Variants in UBXN2A observed in about 807,000 individuals in gnomAD.
The protein encoded by UBXN2A is UBX domain-containing protein 2A.
A neutral mutation model predicts 28.4 loss-of-function variants in UBXN2A; 28 were observed. The ratio of observed to expected loss-of-function variants is 0.99; its 90% confidence interval spans 0.73 to 1.35. The LOEUF is 1.35. Ranked by LOEUF, UBXN2A falls within the 40% of genes most tolerant of loss-of-function variation. UBXN2A has a pLI of 0.00. For synonymous variants in UBXN2A, 97 were observed against 103.6 expected (o/e 0.94, Z 0.39); for missense variants, 253 against 297.9 (o/e 0.85, Z 1.11).
At position 23,950,797 on chromosome 2, in the gene UBXN2A, G is replaced by A. The variant is rs191991444; in HGVS notation, c.-14-7504G>A. Among the ~76,000 whole-genome samples, 37 of 152,060 alleles carry A rather than the reference G, an allele frequency of 2.4e-4. No individual in the cohort carries two copies. The East Asian group carries it at 5.0e-3, about 21-fold the overall frequency. On this transcript the variant is annotated intron_variant, in intron 1 of 6. Coordinates refer to ENST00000309033, the MANE Select transcript of UBXN2A (RefSeq NM_181713.4). The stretch of plus-strand genomic sequence containing the variant: ...TGGCTCACTGCAACCTCCACCCGCC[G>A]GGTTCAAGCGATTCTCCTGCCTCAG...
At chr2:23,976,427 G>A (rs1223340629) in intron 3 of UBXN2A, among the ~76,000 whole-genome samples, 1 of 152,136 alleles carries the variant, frequency 6.6e-6, no homozygotes, top group Admixed American at 6.6e-5. Context: ...GCCAGTTGTA[G>A]TAGTCCATTT....
At chr2:23,966,327 G>A (rs1456733733) in intron 2 of UBXN2A, among the ~76,000 whole-genome samples, 2 of 151,774 alleles carry the variant, frequency 1.3e-5, no homozygotes, top group African/African-American at 4.8e-5. Flanking sequence ...TAGTAGAGAC[G>A]GGGTTTCACC....
At chr2:23,998,836 G>A (rs539725808) in intron 6 of UBXN2A, among the ~76,000 whole-genome samples, 28 of 152,032 alleles carry the variant, frequency 1.8e-4, no homozygotes, top group African/African-American at 5.5e-4. Context: ...ATCAACCTTC[G>A]TCTCCCTCCT....
intron 1 of UBXN2A, among the ~76,000 whole-genome samples, chr2:23,946,562 C>T (rs1267077626): frequency 6.6e-6 from 1 of 151,448 alleles, no homozygotes; most frequent in Non-Finnish European, 1.5e-5. Flanking sequence ...ACCTCGTGAT[C>T]CACCCGCCTC....
At position 23,977,032 on chromosome 2, in the gene UBXN2A, T is replaced by G; in HGVS notation, c.244T>G (p.Ser82Ala). 6.2e-7 allele frequency: 1 copy of G among 1,612,712 alleles called. No homozygotes were observed. Among genetic ancestry groups the G allele is most frequent in the Non-Finnish European group, 8.5e-7 (1 of 1,178,982 alleles). ...FTVNDDFRSY[S>A]DGASQQFLNS... ...CGTCAACGACGATTTCAGAAGTTAT[T>G]CCGATGGTGCCAGTCAGCAGTTTTT... The change falls in exon 4 of 7, where the codon TCC becomes GCC. Residue 82 changes from serine to alanine, a missense_variant. Ser to Ala is a moderately conservative substitution (Grantham distance 99). Coordinates refer to ENST00000309033, the MANE Select transcript of UBXN2A (RefSeq NM_181713.4).
intron 4 of UBXN2A, among the ~76,000 whole-genome samples, chr2:23,979,150 C>T (rs371620203): frequency 1.3e-5 from 2 of 151,968 alleles, no homozygotes; most frequent in African/African-American, 4.8e-5. Flanking sequence ...CAAGACCATC[C>T]TGGCCAACAT....
rs1708746085 is a variant in UBXN2A at position 24,002,771 on chromosome 2, ATTAC to A, written c.*2907_*2910del. ...AAAAGTGGCCGGTTTTTTGGGGGGA[ATTAC>A]TTTCTGTCATAAAGAAGATAGATGG... On this transcript the variant is annotated 3_prime_UTR_variant, in exon 7 of 7. Transcript: ENST00000309033. The A allele has an allele frequency of 6.6e-6, 1 of 152,162 alleles. No individual in the cohort carries two copies. The highest frequency in any genetic ancestry group is 2.4e-5 in the African/African-American group (1 of 41,438). The allele number at this position is 152,162 out of a possible 1,614,324, so 9.4% of individuals were successfully genotyped here.
At chr2:23,964,125 A>C (rs1707058223) in intron 2 of UBXN2A, among the ~76,000 whole-genome samples, 2 of 133,206 alleles carry the variant, frequency 1.5e-5, no homozygotes, top group South Asian at 5.1e-4. Flanking sequence ...ACAGAGCCAG[A>C]TCCTGTCTCA....
At chr2:23,969,659 C>A (rs1707330375) in intron 2 of UBXN2A, among the ~76,000 whole-genome samples, 1 of 152,134 alleles carries the variant, frequency 6.6e-6, no homozygotes, top group African/African-American at 2.4e-5. Flanking sequence ...CTGTTCCCAG[C>A]CTCTCCAAAA....
At chr2:23,952,633 A>T (rs1335488223) in intron 1 of UBXN2A, among the ~76,000 whole-genome samples, 1 of 149,898 alleles carries the variant, frequency 6.7e-6, no homozygotes. Context: ...TTTAGTAGAG[A>T]CGGGTTTCAC....
chr2:23,952,888 A>G (rs1001437941), intron 1 of UBXN2A, among the ~76,000 whole-genome samples: 5 of 151,654 alleles, frequency 3.3e-5, no homozygotes, highest in South Asian at 2.1e-4. Context: ...CTGTTTATTT[A>G]ATTTTAAAAT....
In UBXN2A at chr2:24,004,284, G is replaced by A. The variant is rs1708763284; in HGVS notation, c.*4417G>A. ...CTTGAAAATAATCACCTTAGATGGG[G>A]CATACAATTTGACCTAAGCAATTGT... On this transcript the variant is annotated 3_prime_UTR_variant, in exon 7 of 7. Transcript: ENST00000309033. The A allele has an allele frequency of 6.6e-6, 1 of 152,126 alleles. No individual in the cohort carries two copies. The highest frequency in any genetic ancestry group is 2.1e-4 in the South Asian group (1 of 4,828). 9.4% of individuals were successfully genotyped at this position (152,126 alleles called of 1,614,324 possible).
intron 1 of UBXN2A, among the ~76,000 whole-genome samples, chr2:23,955,152 C>T (rs979612115): frequency 2.6e-5 from 4 of 152,006 alleles, no homozygotes; most frequent in African/African-American, 9.7e-5. Context: ...AGAATGGTCT[C>T]GATCTCCTGA....
In UBXN2A at chr2:24,001,953, C is replaced by G. The variant is rs1273984244; in HGVS notation, c.*2086C>G. Reference sequence around the variant, plus strand: ...TCCAGCCTGGTGACGGAGCGAGACTCTTTCTCAAAAAAAAAAAATTATTCA... The same window carrying G: ...TCCAGCCTGGTGACGGAGCGAGACTGTTTCTCAAAAAAAAAAAATTATTCA... On this transcript the variant is annotated 3_prime_UTR_variant, in exon 7 of 7. Transcript: ENST00000309033. 1 of 147,942 alleles carries G rather than the reference C, an allele frequency of 6.8e-6. No individual in the cohort carries two copies. Among genetic ancestry groups the G allele is most frequent in the Non-Finnish European group, 1.5e-5 (1 of 67,292 alleles). The allele number at this position is 147,942 out of a possible 1,614,324, so 9.2% of individuals were successfully genotyped here.
At chr2:23,974,606 A>T (rs1464155351) in intron 3 of UBXN2A, among the ~76,000 whole-genome samples, 1 of 152,018 alleles carries the variant, frequency 6.6e-6, no homozygotes, top group Non-Finnish European at 1.5e-5. Context: ...TCGGCCTCCC[A>T]AAGTGCTGGG....
upstream of UBXN2A, among the ~76,000 whole-genome samples, chr2:23,939,380 C>G (rs542535441): frequency 8.3e-4 from 127 of 152,300 alleles, 1 homozygote; most frequent in African/African-American, 3.0e-3. Context: ...ACCATGAGAT[C>G]TGCAGCGATC....
chr2:23,932,855 C>T (rs2150783549), intron 1 of UBXN2A, among the ~76,000 whole-genome samples: 1 of 152,286 alleles, frequency 6.6e-6, no homozygotes, highest in South Asian at 2.1e-4. Context: ...CCTGTAATCC[C>T]AGACTTGGGG....
intron 1 of UBXN2A, among the ~76,000 whole-genome samples, chr2:23,931,079 G>C (rs376723969): frequency 2.0e-5 from 3 of 151,956 alleles, no homozygotes; most frequent in African/African-American, 7.3e-5. Context: ...GCAATTCTTT[G>C]CCTCAGGTTG....
Position 23,940,539 on chromosome 2 carries a change from G to A in UBXN2A, c.-124G>A, listed in dbSNP as rs1205489785. On this transcript the variant is annotated 5_prime_UTR_variant, in exon 1 of 7. Transcript: ENST00000309033. Reference sequence around the variant, plus strand: ...GGCCGCGGAACCTGAGGCGGTCTGGGGCGGCGGCGCTCCGGCTCTGAAGGG... The same window carrying A: ...GGCCGCGGAACCTGAGGCGGTCTGGAGCGGCGGCGCTCCGGCTCTGAAGGG... 6.6e-6 allele frequency: 1 copy of A among 151,312 alleles called. No homozygotes were observed. Among genetic ancestry groups the A allele is most frequent in the Non-Finnish European group, 1.5e-5 (1 of 67,784 alleles). 9.4% of individuals were successfully genotyped at this position (151,312 alleles called of 1,614,324 possible). A position where few individuals can be genotyped will look rare whatever the true frequency, so the allele number is the denominator to read the frequency against.
Sources: gnomAD v4.1 joint callset for allele counts (sites outside exome capture counted in the v4.1 genomes callset) on GRCh38, gnomAD v4.1.1 for gene constraint, MANE v1.5 for transcripts, NCBI Gene and HGNC (gene_info 2026-07-23, HGNC 2026-07-21) for gene names.